PRKN: variants seen among roughly 807,000 people sequenced by gnomAD.
The protein encoded by PRKN is parkin RBR E3 ubiquitin protein ligase.
PRKN carries 56 observed loss-of-function variants against 59.5 expected under a neutral mutation model. That is an observed-to-expected ratio of 0.94 (90% CI 0.76 to 1.18). The LOEUF is 1.18. PRKN is among the 50% of genes most tolerant of loss of function. The pLI is 0.00. For missense variants in PRKN, 657 were observed against 596.4 expected (o/e 1.10, Z -1.06); for synonymous variants, 250 against 222.1 (o/e 1.13, Z -1.12).
chr6:162,255,412 C>T (rs1041946242), intron 3 of PRKN, among the ~76,000 whole-genome samples: 1 of 152,100 alleles, frequency 6.6e-6, no homozygotes, highest in Admixed American at 6.5e-5. Context: ...GTACTTTTTC[C>T]TTATCTCTGT....
At chr6:161,788,070 G>A (rs932088898) in intron 6 of PRKN, among the ~76,000 whole-genome samples, 3 of 152,208 alleles carry the variant, frequency 2.0e-5, no homozygotes, top group East Asian at 3.9e-4. Context: ...CGTGGTATGC[G>A]GCCATCAGTG....
intron 4 of PRKN, among the ~76,000 whole-genome samples, chr6:162,193,867 G>A (rs1784389476): frequency 6.6e-6 from 1 of 152,108 alleles, no homozygotes; most frequent in Non-Finnish European, 1.5e-5. Context: ...AAGGGAGCAG[G>A]GGCATAAACA....
intron 5 of PRKN, among the ~76,000 whole-genome samples, chr6:162,005,445 G>T (rs1235061595): frequency 6.6e-6 from 1 of 152,000 alleles, no homozygotes. Context: ...GATTAAGCAG[G>T]AGAAATGCTG....
intron 6 of PRKN, among the ~76,000 whole-genome samples, chr6:161,904,073 C>A (rs1778037648): frequency 6.6e-6 from 1 of 151,960 alleles, no homozygotes; most frequent in Non-Finnish European, 1.5e-5. Context: ...CAACATGGTC[C>A]CTTCCCACAG....
intron 1 of PRKN, among the ~76,000 whole-genome samples, chr6:162,579,941 A>G (rs1043693098): frequency 1.7e-4 from 26 of 152,166 alleles, no homozygotes; most frequent in Non-Finnish European, 2.9e-4. Context: ...CCCACAACAC[A>G]TTCCCCACAA....
intron 6 of PRKN, among the ~76,000 whole-genome samples, chr6:161,792,538 T>G (rs1790679509): frequency 6.6e-6 from 1 of 152,224 alleles, no homozygotes; most frequent in Non-Finnish European, 1.5e-5. Context: ...TGAAATGCAA[T>G]GAAAAGCAGC....
intron 7 of PRKN, among the ~76,000 whole-genome samples, chr6:161,683,189 C>T (rs1785434297): frequency 2.0e-5 from 3 of 152,130 alleles, no homozygotes; most frequent in African/African-American, 4.8e-5. Context: ...GGAAGAAGGA[C>T]GGCTTCCCTG....
intron 9 of PRKN, among the ~76,000 whole-genome samples, chr6:161,501,039 C>A (rs1777944679): frequency 6.6e-6 from 1 of 151,960 alleles, no homozygotes; most frequent in East Asian, 1.9e-4. Flanking sequence ...CCATGCCTGG[C>A]TAATTTTTGT....
Position 161,878,930 on chromosome 6 carries a change from T to C in PRKN, c.735-93022A>G, listed in dbSNP as rs536069521. Among the ~76,000 whole-genome samples, 10 of 152,256 alleles carry C rather than the reference T, an allele frequency of 6.6e-5. No homozygotes were observed. In the South Asian group the frequency reaches 8.3e-4, roughly 13 times the overall value. ...GGCTTTGGTAGATGCAAGCACAAAT[T>C]TGTTGTATCAATTTACACTTCTACA... On this transcript the variant is annotated intron_variant, in intron 6 of 11. Transcript: ENST00000366898.
In PRKN at chr6:161,894,602, C is replaced by T. The variant is rs542437382; in HGVS notation, c.734+78700G>A. On this transcript the variant is annotated intron_variant, in intron 6 of 11. Transcript: ENST00000366898. ...ATCGTGCGTTACTCATGCATTTCTCCATGTCTGGAATATGCTCCTTGCGAT... is the reference window on the plus strand; with the variant it reads ...ATCGTGCGTTACTCATGCATTTCTCTATGTCTGGAATATGCTCCTTGCGAT... Among the ~76,000 whole-genome samples the T allele has an allele frequency of 5.3e-5, 8 of 152,264 alleles. No individual in the cohort carries two copies. In the South Asian group the frequency reaches 1.0e-3, roughly 20 times the overall value.
intron 1 of PRKN, among the ~76,000 whole-genome samples, chr6:162,615,109 T>A (rs1583911977): frequency 6.6e-6 from 1 of 152,232 alleles, no homozygotes; most frequent in East Asian, 1.9e-4. Flanking sequence ...AGCACATACC[T>A]TAAGTAGCAA....
At chr6:162,429,637 C>T (rs982641862) in intron 2 of PRKN, among the ~76,000 whole-genome samples, 2 of 152,118 alleles carry the variant, frequency 1.3e-5, no homozygotes, top group Admixed American at 1.3e-4. Context: ...TCGCCTGCCA[C>T]CCTGTCACAC....
intron 6 of PRKN, among the ~76,000 whole-genome samples, chr6:161,911,688 T>C (rs1287105506): frequency 1.3e-5 from 2 of 152,156 alleles, no homozygotes; most frequent in Non-Finnish European, 2.9e-5. Context: ...CCCGTCAGTA[T>C]AGAAATGTAG....
At chr6:161,587,618 G>T (rs1385512793) in intron 7 of PRKN, among the ~76,000 whole-genome samples, 1 of 152,040 alleles carries the variant, frequency 6.6e-6, no homozygotes, top group Non-Finnish European at 1.5e-5. Flanking sequence ...ATTTAAAGAT[G>T]AGTTTCATTC....
At chr6:162,439,485 C>G (rs1016807294) in intron 2 of PRKN, among the ~76,000 whole-genome samples, 13 of 152,110 alleles carry the variant, frequency 8.5e-5, no homozygotes, top group Admixed American at 8.5e-4. Flanking sequence ...AAAAAGAAAA[C>G]TCAAGAAATT....
In PRKN at chr6:161,373,740, G is replaced by A. The variant is rs141049589; in HGVS notation, c.1167+13054C>T. On this transcript the variant is annotated intron_variant, in intron 10 of 11. Coordinates refer to ENST00000366898, the MANE Select transcript of PRKN (RefSeq NM_004562.3). The surrounding 1 kb of genome is among the most constrained non-coding windows in gnomAD (Gnocchi z 4.8). The stretch of plus-strand genomic sequence containing the variant: ...GGAACAAGTGTAGAGCAGGTGAACC[G>A]TTTTCCTCACACATGGTCAACATGC... 6.6e-5 allele frequency among the ~76,000 whole-genome samples: 10 copies of A among 152,200 alleles called. No individual in the cohort carries two copies. The East Asian group carries it at 1.2e-3, about 18-fold the overall frequency.
chr6:162,281,993 T>C (rs1780930909), intron 2 of PRKN, among the ~76,000 whole-genome samples: 1 of 152,146 alleles, frequency 6.6e-6, no homozygotes, highest in South Asian at 2.1e-4. Flanking sequence ...CAGTTCACAA[T>C]AGGGTTTGCA....
chr6:162,658,177 T>C (rs1347742308), intron 1 of PRKN, among the ~76,000 whole-genome samples: 1 of 152,172 alleles, frequency 6.6e-6, no homozygotes, highest in Non-Finnish European at 1.5e-5. Flanking sequence ...ATACATTTCT[T>C]ACAATATATT....
chr6:161,364,773 C>T (rs978135260), intron 10 of PRKN, among the ~76,000 whole-genome samples: 35 of 151,838 alleles, frequency 2.3e-4, no homozygotes, highest in African/African-American at 7.5e-4. Context: ...ACAGCGAAAC[C>T]GTCTCTACTA....
Sources: gnomAD v4.1 joint callset for allele counts (sites outside exome capture counted in the v4.1 genomes callset) on GRCh38, gnomAD v4.1.1 for gene constraint, Gnocchi (gnomAD v3.1) non-coding constraint, MANE v1.5 for transcripts, NCBI Gene and HGNC (gene_info 2026-07-23, HGNC 2026-07-21) for gene names.